Variants in PRKD1 observed in about 807,000 individuals in gnomAD.
The protein encoded by PRKD1 is serine/threonine-protein kinase D1.
A neutral mutation model predicts 95.9 loss-of-function variants in PRKD1; 63 were observed. The observed-to-expected ratio is 0.66, with a 90% CI of 0.54 to 0.81. The LOEUF (loss-of-function observed/expected upper bound fraction) is 0.81. Ranked by LOEUF, PRKD1 falls within the 30% of genes least tolerant of loss-of-function variation. The pLI is 0.00. For missense variants in PRKD1, 1,048 were observed against 1,165.3 expected, an observed-to-expected ratio of 0.90 and a Z score of 1.47; for synonymous variants, 425 against 423.1, an observed-to-expected ratio of 1.00 and a Z score of -0.05.
chr14:29,588,793 TG>T (rs1893022517), intron 16 of PRKD1, among the ~76,000 whole-genome samples: 2 of 3,680 alleles, frequency 5.4e-4, no homozygotes, highest in South Asian at 2.9e-3. Flanking sequence ...CCTAAAGTTG[TG>T]TGTGTGTGTG....
chr14:29,855,194 C>T lies in PRKD1; in HGVS notation c.264+72055G>A, dbSNP rs373742536. On this transcript the variant is annotated intron_variant, in intron 1 of 17. Transcript: ENST00000331968. The stretch of plus-strand genomic sequence containing the variant: ...GAATGGTAAATCCATTGACAGCTTG[C>T]ACTGTGCACCTGGAAAAGCCACACA... Among the ~76,000 whole-genome samples, 16 of 152,258 alleles carry T rather than the reference C, an allele frequency of 1.1e-4. No individual in the cohort carries two copies. In the East Asian group the frequency reaches 2.5e-3, roughly 24 times the overall value.
At chr14:29,633,810 T>C (rs992192731) in intron 8 of PRKD1, among the ~76,000 whole-genome samples, 4 of 152,212 alleles carry the variant, frequency 2.6e-5, no homozygotes, top group Admixed American at 6.5e-5. Context: ...AATTAGGTTA[T>C]AGGTGTCTGC....
chr14:29,862,430 A>G (rs1299400380), intron 1 of PRKD1, among the ~76,000 whole-genome samples: 2 of 152,042 alleles, frequency 1.3e-5, no homozygotes, highest in African/African-American at 4.8e-5. Flanking sequence ...TGGTAGCTCT[A>G]TTTTTAGTTT....
intron 1 of PRKD1, among the ~76,000 whole-genome samples, chr14:29,890,106 A>C (rs1288103242): frequency 6.6e-6 from 1 of 152,158 alleles, no homozygotes; most frequent in Non-Finnish European, 1.5e-5. Flanking sequence ...ACTACATTTT[A>C]ATAGTGTTTT....
intron 1 of PRKD1, among the ~76,000 whole-genome samples, chr14:29,787,017 G>T (rs1376470244): frequency 1.3e-5 from 2 of 151,902 alleles, no homozygotes; most frequent in Admixed American, 1.3e-4. Context: ...CATATGCTTA[G>T]TAAGTTGTTC....
intron 6 of PRKD1, 113 bp from the exon 7 acceptor site, chr14:29,636,607 T>C: frequency 1.0e-6 from 1 of 999,656 alleles, no homozygotes. Context: ...GAGGTAGTTC[T>C]GTGATGAGTT....
At chr14:29,791,594 G>A (rs1345602036) in intron 1 of PRKD1, among the ~76,000 whole-genome samples, 1 of 152,028 alleles carries the variant, frequency 6.6e-6, no homozygotes, top group East Asian at 1.9e-4. Flanking sequence ...TATGTGTAAT[G>A]TCTTTCACTC....
chr14:29,676,324 G>A (rs1883215613), intron 2 of PRKD1, among the ~76,000 whole-genome samples: 1 of 151,528 alleles, frequency 6.6e-6, no homozygotes, highest in African/African-American at 2.4e-5. Context: ...GCTAGGATTT[G>A]TGGAAAGTGG....
intron 1 of PRKD1, among the ~76,000 whole-genome samples, chr14:29,805,697 A>T (rs989662643): frequency 6.6e-6 from 1 of 152,194 alleles, no homozygotes; most frequent in African/African-American, 2.4e-5. Flanking sequence ...AAACTTGTCC[A>T]AGTTCACAGT....
At chr14:29,925,604 T>G (rs1895268446) in intron 1 of PRKD1, among the ~76,000 whole-genome samples, 1 of 152,072 alleles carries the variant, frequency 6.6e-6, no homozygotes. Flanking sequence ...CCTCTTGAAC[T>G]AGGCATCAGT....
intron 1 of PRKD1, among the ~76,000 whole-genome samples, chr14:29,921,978 A>G (rs1895127939): frequency 6.6e-6 from 1 of 152,260 alleles, no homozygotes; most frequent in African/African-American, 2.4e-5. Context: ...TTCTTGTGAA[A>G]ACTGTCAAAT....
intron 3 of PRKD1, among the ~76,000 whole-genome samples, chr14:29,664,483 G>A (rs935017958): frequency 2.0e-5 from 3 of 152,184 alleles, no homozygotes; most frequent in East Asian, 1.9e-4. Flanking sequence ...TATTCCCCAC[G>A]TAGCTGGAGG....
rs193285884 is a variant in PRKD1, at chr14:29,816,494, G to A, written c.265-90820C>T. On this transcript the variant is annotated intron_variant, in intron 1 of 17. Transcript: ENST00000331968. ...TGTTATCACAGTTAAGAGAAAAAAC[G>A]TTACCATAAATGTAACATTTAAATA... Among the ~76,000 whole-genome samples the A allele has an allele frequency of 1.3e-4, 20 of 152,214 alleles. No homozygotes were observed. In the East Asian group the frequency reaches 1.5e-3, roughly 12 times the overall value.
intron 16 of PRKD1, among the ~76,000 whole-genome samples, chr14:29,586,969 T>C (rs1164299341): frequency 1.3e-5 from 2 of 152,160 alleles, no homozygotes; most frequent in African/African-American, 2.4e-5. Flanking sequence ...GTCAGATCAG[T>C]CCTGAGGGTT....
intron 1 of PRKD1, among the ~76,000 whole-genome samples, chr14:29,832,156 G>A (rs1891436424): frequency 6.6e-6 from 1 of 151,968 alleles, no homozygotes. Context: ...TTTCCAAAGC[G>A]ATTGTACCAA....
intron 1 of PRKD1, among the ~76,000 whole-genome samples, chr14:29,923,269 T>C (rs1895188404): frequency 6.6e-6 from 1 of 150,822 alleles, no homozygotes; most frequent in African/African-American, 2.4e-5. Flanking sequence ...TGACAAATTC[T>C]ATACTTCATC....
chr14:29,609,297 C>G (rs1230763651), intron 13 of PRKD1, among the ~76,000 whole-genome samples: 1 of 152,060 alleles, frequency 6.6e-6, no homozygotes, highest in Non-Finnish European at 1.5e-5. Context: ...ATATTGTGCC[C>G]TCATATCAAG....
chr14:29,619,545 G>C (rs1363701283), intron 13 of PRKD1, among the ~76,000 whole-genome samples: 1 of 152,156 alleles, frequency 6.6e-6, no homozygotes, highest in Non-Finnish European at 1.5e-5. Flanking sequence ...GTAGAGCCAA[G>C]GTTGAGAGTG....
chr14:29,710,564 G>C, intron 2 of PRKD1, among the ~76,000 whole-genome samples: 1 of 152,094 alleles, frequency 6.6e-6, no homozygotes, highest in East Asian at 1.9e-4. Flanking sequence ...AACCGTCACA[G>C]ACCAGACCCC....
Sources: gnomAD v4.1 joint callset for allele counts (sites outside exome capture counted in the v4.1 genomes callset) on GRCh38, gnomAD v4.1.1 for gene constraint, MANE v1.5 for transcripts, NCBI Gene and HGNC (gene_info 2026-07-23, HGNC 2026-07-21) for gene names.